Variants in PARD3 observed in about 807,000 individuals in gnomAD.
PARD3 encodes the protein par-3 family cell polarity regulator.
In PARD3, 75 loss-of-function variants were observed where a neutral mutation model predicts 155.4. The observed-to-expected ratio is 0.48, with a 90% CI of 0.40 to 0.58. The LOEUF is 0.58. PARD3 is among the 20% of genes least tolerant of loss of function. PARD3 has a pLI of 0.00. For synonymous variants in PARD3, 576 were observed against 610.5 expected (o/e 0.94, Z 0.83); for missense variants, 1,642 against 1,721.7 (o/e 0.95, Z 0.82).
At chr10:34,786,715 T>G (rs1005915617) in intron 1 of PARD3, among the ~76,000 whole-genome samples, 1 of 152,234 alleles carries the variant, frequency 6.6e-6, no homozygotes, top group Non-Finnish European at 1.5e-5. Context: ...TTAAGTACTC[T>G]GTAAAAAGCC....
intron 2 of PARD3, among the ~76,000 whole-genome samples, chr10:34,598,836 A>G (rs1261307942): frequency 1.3e-5 from 2 of 152,186 alleles, no homozygotes; most frequent in African/African-American, 4.8e-5. Flanking sequence ...GATTCGGCAT[A>G]TCTTGGCAAA....
chr10:34,343,995 C>T (rs1378675323), intron 15 of PARD3: 1 of 981,992 alleles, frequency 1.0e-6, no homozygotes, highest in Non-Finnish European at 1.2e-6. Flanking sequence ...TTTCATTTTT[C>T]TATGTCAAAT....
At chr10:34,579,368 C>T (rs1246487501) in intron 2 of PARD3, among the ~76,000 whole-genome samples, 1 of 152,114 alleles carries the variant, frequency 6.6e-6, no homozygotes, top group Non-Finnish European at 1.5e-5. Flanking sequence ...TGAGGATGTG[C>T]ACCTCTGGCT....
intron 1 of PARD3, among the ~76,000 whole-genome samples, chr10:34,718,227 T>C (rs887013213): frequency 6.6e-6 from 1 of 150,764 alleles, no homozygotes; most frequent in Non-Finnish European, 1.5e-5. Context: ...TACTCAGTTA[T>C]GGAAATTGTA....
chr10:34,556,156 A>G lies in PARD3; in HGVS notation c.223-38997T>C, dbSNP rs928801398. Reference sequence around the variant, plus strand: ...AATGGAGGTACTGCTGGAGTTCTCAATGTCTTTCTAGTTCTTGTTTCCCTT... The same window carrying G: ...AATGGAGGTACTGCTGGAGTTCTCAGTGTCTTTCTAGTTCTTGTTTCCCTT... On this transcript the variant is annotated intron_variant, in intron 2 of 24. Transcript: ENST00000374788. Among the ~76,000 whole-genome samples, 11 of 152,316 alleles carry G rather than the reference A, an allele frequency of 7.2e-5. No individual in the cohort carries two copies. In the East Asian group the frequency reaches 1.9e-3, roughly 27 times the overall value.
At chr10:34,262,232 G>GT (rs1332782407) in intron 22 of PARD3, among the ~76,000 whole-genome samples, 1 of 151,714 alleles carries the variant, frequency 6.6e-6, no homozygotes, top group Non-Finnish European at 1.5e-5. Context: ...AAAAACCACT[G>GT]TTTTAGAACA....
At chr10:34,740,001 C>T (rs1056811844) in intron 1 of PARD3, among the ~76,000 whole-genome samples, 1 of 152,142 alleles carries the variant, frequency 6.6e-6, no homozygotes, top group African/African-American at 2.4e-5. Context: ...GACCCGCCAG[C>T]GACTCCGTGC....
chr10:34,192,039 C>A (rs75430586), intron 22 of PARD3, among the ~76,000 whole-genome samples: 1 of 151,676 alleles, frequency 6.6e-6, no homozygotes, highest in Non-Finnish European at 1.5e-5. Context: ...ACTTCAAAAT[C>A]AGGCATTCTG....
intron 2 of PARD3, among the ~76,000 whole-genome samples, chr10:34,694,211 A>G (rs898123234): frequency 1.3e-5 from 2 of 152,120 alleles, no homozygotes; most frequent in Non-Finnish European, 2.9e-5. Flanking sequence ...AGAGGAAGAC[A>G]TTGAAAGATT....
chr10:34,599,949 T>A (rs1160641516), intron 2 of PARD3, among the ~76,000 whole-genome samples: 1 of 152,174 alleles, frequency 6.6e-6, no homozygotes, highest in Non-Finnish European at 1.5e-5. Context: ...GAACCTTTCC[T>A]CTAGGCTCAT....
At chr10:34,400,389 C>A (rs1407111289) in intron 6 of PARD3, among the ~76,000 whole-genome samples, 1 of 152,050 alleles carries the variant, frequency 6.6e-6, no homozygotes, top group Admixed American at 6.6e-5. Context: ...TAAAATAAAG[C>A]CTGAGTTTAA....
intron 22 of PARD3, among the ~76,000 whole-genome samples, chr10:34,142,032 G>C (rs749281039): frequency 5.9e-5 from 9 of 152,270 alleles, no homozygotes; most frequent in Non-Finnish European, 8.8e-5. Flanking sequence ...TCGAATAAGA[G>C]TGACTATTGT....
intron 5 of PARD3, among the ~76,000 whole-genome samples, chr10:34,417,440 A>G (rs770937434): frequency 1.3e-5 from 2 of 152,270 alleles, no homozygotes; most frequent in Non-Finnish European, 2.9e-5. Context: ...TATGCTCAAC[A>G]TTATATCCCC....
At chr10:34,790,873 C>T (rs1002344103) in intron 1 of PARD3, among the ~76,000 whole-genome samples, 2 of 152,154 alleles carry the variant, frequency 1.3e-5, no homozygotes, top group African/African-American at 4.8e-5. Context: ...AAATTCCAAG[C>T]CTTTCCTGGA....
chr10:34,347,743 AG>A (rs1390858202), intron 15 of PARD3, among the ~76,000 whole-genome samples: 4 of 152,340 alleles, frequency 2.6e-5, no homozygotes, highest in South Asian at 2.1e-4. Context: ...GTCATGTTAC[AG>A]GATCTAAAAG....
At chr10:34,302,598 G>A (rs1433848696) in intron 20 of PARD3, among the ~76,000 whole-genome samples, 2 of 152,054 alleles carry the variant, frequency 1.3e-5, no homozygotes, top group Non-Finnish European at 2.9e-5. Flanking sequence ...CACTGAGAAG[G>A]GCAGGTATCA....
At chr10:34,663,178 A>T (rs1434250892) in intron 2 of PARD3, among the ~76,000 whole-genome samples, 11 of 152,166 alleles carry the variant, frequency 7.2e-5, no homozygotes, top group Non-Finnish European at 1.3e-4. Flanking sequence ...AATAACTAAA[A>T]GAGGCCAGGT....
intron 12 of PARD3, among the ~76,000 whole-genome samples, chr10:34,369,194 T>C (rs2134598544): frequency 6.6e-6 from 1 of 152,322 alleles, no homozygotes; most frequent in South Asian, 2.1e-4. Context: ...AAGTCAAGCT[T>C]GTCCAACCTG....
intron 21 of PARD3, among the ~76,000 whole-genome samples, chr10:34,278,646 G>A (rs986072758): frequency 5.3e-5 from 8 of 152,016 alleles, no homozygotes; most frequent in African/African-American, 1.4e-4. Context: ...CTTTTCTCCC[G>A]CCACGTGAAG....
Sources: allele counts gnomAD v4.1 joint callset (sites outside exome capture counted in the v4.1 genomes callset), GRCh38; gene constraint gnomAD v4.1.1; transcripts MANE v1.5; gene names NCBI Gene and HGNC (gene_info 2026-07-23, HGNC 2026-07-21).